SUGCT: variants seen among roughly 807,000 people sequenced by gnomAD.
SUGCT encodes the protein succinyl-CoA:glutarate-CoA transferase.
SUGCT carries 41 observed loss-of-function variants against 55.0 expected under a neutral mutation model. The observed-to-expected ratio is 0.74, with a 90% CI of 0.58 to 0.97. The LOEUF (loss-of-function observed/expected upper bound fraction) is 0.97, where lower values mean the gene tolerates loss of function less well. Among genes scored for constraint, SUGCT ranks in the 50% least tolerant of loss-of-function variants. The pLI, the probability that SUGCT is intolerant of heterozygous loss-of-function variation, is 0.00. For missense variants in SUGCT, 568 were observed against 547.8 expected (o/e 1.04, Z -0.37); for synonymous variants, 187 against 200.4 (o/e 0.93, Z 0.56).
At chr7:40,532,351 T>C (rs4723969) in intron 12 of SUGCT, among the ~76,000 whole-genome samples, 14,103 of 152,236 alleles carry the variant, frequency 0.093, 701 homozygotes, top group Middle Eastern at 0.11. Flanking sequence ...AGTGAAAATT[T>C]ATTAATGTGG....
At chr7:40,470,564 TTAGTTC>T (rs1562800056) in intron 11 of SUGCT, among the ~76,000 whole-genome samples, 1 of 152,168 alleles carries the variant, frequency 6.6e-6, no homozygotes, top group Non-Finnish European at 1.5e-5. Flanking sequence ...GGTACCTACC[TTAGTTC>T]TAGTTTGTCA....
chr7:40,180,098 A>G (rs1358526907), intron 1 of SUGCT, among the ~76,000 whole-genome samples: 1 of 152,174 alleles, frequency 6.6e-6, no homozygotes, highest in African/African-American at 2.4e-5. Flanking sequence ...ACGCACTTCA[A>G]ATATTTGCTA....
intron 12 of SUGCT, among the ~76,000 whole-genome samples, chr7:40,508,668 T>C (rs1792747997): frequency 6.6e-6 from 1 of 152,158 alleles, no homozygotes; most frequent in Non-Finnish European, 1.5e-5. Context: ...TGTTTTTTCA[T>C]TTGCCATATG....
chr7:41,028,179 G>C, the SUGCT span, among the ~76,000 whole-genome samples: 1 of 152,210 alleles, frequency 6.6e-6, no homozygotes, highest in African/African-American at 2.4e-5. Flanking sequence ...AGTGCAGAGG[G>C]AACATGCATT....
the SUGCT span, among the ~76,000 whole-genome samples, chr7:40,973,643 C>G: frequency 6.6e-6 from 1 of 152,348 alleles, no homozygotes; most frequent in Non-Finnish European, 1.5e-5. Context: ...CTGGCAGTGG[C>G]TAGAGCCAGT....
At chr7:40,515,438 A>G (rs1193718442) in intron 12 of SUGCT, among the ~76,000 whole-genome samples, 1 of 152,250 alleles carries the variant, frequency 6.6e-6, no homozygotes, top group Non-Finnish European at 1.5e-5. Flanking sequence ...GGACATTTTC[A>G]TAACTGCTAA....
the SUGCT span, among the ~76,000 whole-genome samples, chr7:40,891,624 G>A: frequency 2.0e-5 from 3 of 152,132 alleles, no homozygotes; most frequent in South Asian, 6.2e-4. Flanking sequence ...CAAAAGCTGA[G>A]GGAGTTCATT....
At chr7:40,238,382 TA>T (rs376012057) in intron 7 of SUGCT, among the ~76,000 whole-genome samples, 12 of 151,544 alleles carry the variant, frequency 7.9e-5, no homozygotes, top group African/African-American at 2.4e-4. Context: ...TTGGTTAGAT[TA>T]AAAAAAAGGC....
chr7:40,312,477 C>T (rs1795211295), intron 8 of SUGCT, among the ~76,000 whole-genome samples: 1 of 151,988 alleles, frequency 6.6e-6, no homozygotes, highest in African/African-American at 2.4e-5. Context: ...TTCCAAGTTT[C>T]CATCCCTGAA....
intron 11 of SUGCT, among the ~76,000 whole-genome samples, chr7:40,494,925 T>TTTC (rs528282491): frequency 0.021 from 3,271 of 152,224 alleles, 53 homozygotes; most frequent in Middle Eastern, 0.051. Flanking sequence ...TGTTTGTTTT[T>TTTC]TTGAGATGGA....
the SUGCT span, among the ~76,000 whole-genome samples, chr7:40,983,916 T>C: frequency 1.3e-5 from 2 of 152,016 alleles, no homozygotes; most frequent in Non-Finnish European, 2.9e-5. Context: ...AAAAAAAGAA[T>C]TGGTTGGGGG....
intron 9 of SUGCT, among the ~76,000 whole-genome samples, chr7:40,349,837 A>G (rs1398487910): frequency 6.6e-6 from 1 of 152,038 alleles, no homozygotes; most frequent in Admixed American, 6.6e-5. Flanking sequence ...CACCCAGGTG[A>G]TTGGTTTTTA....
intron 11 of SUGCT, among the ~76,000 whole-genome samples, chr7:40,467,761 T>C (rs937355509): frequency 6.6e-6 from 1 of 152,146 alleles, no homozygotes; most frequent in Non-Finnish European, 1.5e-5. Context: ...GACATCCTAA[T>C]AAGGATGACG....
chr7:40,806,852 A>T (rs1015528604), intron 13 of SUGCT, among the ~76,000 whole-genome samples: 18 of 152,172 alleles, frequency 1.2e-4, no homozygotes, highest in Non-Finnish European at 5.9e-5. Flanking sequence ...TGCCCTGAGG[A>T]TGAGGGAATC....
At chr7:40,173,913 C>CTG (rs34789334) in intron 1 of SUGCT, among the ~76,000 whole-genome samples, 11,875 of 143,938 alleles carry the variant, frequency 0.083, 432 homozygotes, top group Non-Finnish European at 0.093. Context: ...AATGTATATC[C>CTG]TGTGTGTGTG....
chr7:40,836,465 T>C (rs1221239455), intron 13 of SUGCT, among the ~76,000 whole-genome samples: 1 of 152,138 alleles, frequency 6.6e-6, no homozygotes, highest in Non-Finnish European at 1.5e-5. Flanking sequence ...TTTATGCGAC[T>C]CATTGTGTGG....
At chr7:40,725,790 C>G (rs961493440) in intron 12 of SUGCT, among the ~76,000 whole-genome samples, 1 of 152,074 alleles carries the variant, frequency 6.6e-6, no homozygotes, top group Admixed American at 6.5e-5. Flanking sequence ...ATCCTAGACT[C>G]TTTTCATGGA....
chr7:40,566,915 A>G (rs1402038709), intron 12 of SUGCT, among the ~76,000 whole-genome samples: 3 of 152,162 alleles, frequency 2.0e-5, no homozygotes, highest in African/African-American at 4.8e-5. Flanking sequence ...TTTGTTATTC[A>G]TCTGGGTAAC....
the SUGCT span, among the ~76,000 whole-genome samples, chr7:40,974,042 T>G: frequency 6.6e-6 from 1 of 152,228 alleles, no homozygotes; most frequent in Admixed American, 6.5e-5. Flanking sequence ...TCCAGTATTT[T>G]CAGAGAAAGA....
Sources: gnomAD v4.1 joint callset for allele counts (sites outside exome capture counted in the v4.1 genomes callset) on GRCh38, gnomAD v4.1.1 for gene constraint, MANE v1.5 for transcripts, NCBI Gene and HGNC (gene_info 2026-07-23, HGNC 2026-07-21) for gene names.